Variants in FAM184B observed in about 807,000 individuals in gnomAD.
FAM184B encodes protein FAM184B.
Under a neutral mutation model 135.9 loss-of-function variants are expected in FAM184B, and 111 were observed. The observed-to-expected ratio is 0.82, with a 90% confidence interval of 0.70 to 0.96. The LOEUF (loss-of-function observed/expected upper bound fraction) is 0.96. FAM184B is among the 40% of genes least tolerant of loss of function. The pLI, the probability that FAM184B is intolerant of heterozygous loss-of-function variation, is 0.00. For missense variants in FAM184B, 1,375 were observed against 1,323.9 expected (o/e 1.04, Z -0.60); for synonymous variants, 552 against 524.8 (o/e 1.05, Z -0.71).
intron 12 of FAM184B, among the ~76,000 whole-genome samples, chr4:17,646,395 A>G (rs1362357824): frequency 6.6e-6 from 1 of 152,250 alleles, no homozygotes; most frequent in Admixed American, 6.5e-5. Context: ...AATACTATGC[A>G]GCCATAAAAA....
At chr4:17,714,545 C>T (rs1263826585) in intron 1 of FAM184B, among the ~76,000 whole-genome samples, 1 of 152,118 alleles carries the variant, frequency 6.6e-6, no homozygotes, top group Non-Finnish European at 1.5e-5. Context: ...GAGCCTCTGA[C>T]ATCTTGGCAT....
chr4:17,730,219 A>G (rs1014412965), intron 1 of FAM184B, among the ~76,000 whole-genome samples: 8 of 152,364 alleles, frequency 5.3e-5, no homozygotes, highest in Admixed American at 5.2e-4. Context: ...TAGAGAAAAA[A>G]GAATAAAAAG....
At chr4:17,640,110 G>A (rs763638901) in intron 13 of FAM184B, among the ~76,000 whole-genome samples, 5 of 100,642 alleles carry the variant, frequency 5.0e-5, no homozygotes, top group Non-Finnish European at 7.2e-5. Flanking sequence ...GGGATTACAC[G>A]CGTGAGCCAC....
At chr4:17,666,791 GC>G (rs1716059372) in intron 7 of FAM184B, among the ~76,000 whole-genome samples, 1 of 151,876 alleles carries the variant, frequency 6.6e-6, no homozygotes, top group Non-Finnish European at 1.5e-5. Context: ...CTCCATGAGG[GC>G]AGGGGCTTTG....
intron 7 of FAM184B, among the ~76,000 whole-genome samples, chr4:17,670,089 T>C (rs143519420): frequency 6.6e-6 from 1 of 152,242 alleles, no homozygotes; most frequent in East Asian, 1.9e-4. Context: ...TAGAAAGCAA[T>C]AAGAAGGTAG....
intron 1 of FAM184B, among the ~76,000 whole-genome samples, chr4:17,763,504 G>C (rs1406185753): frequency 1.3e-5 from 2 of 152,110 alleles, no homozygotes; most frequent in African/African-American, 4.8e-5. Context: ...GCTTCCTTGG[G>C]ACAAATAGGC....
intron 1 of FAM184B, among the ~76,000 whole-genome samples, chr4:17,729,918 T>A (rs934626256): frequency 6.6e-6 from 1 of 152,202 alleles, no homozygotes; most frequent in Non-Finnish European, 1.5e-5. Flanking sequence ...GGATGGGGAA[T>A]GACTTTGACG....
intron 1 of FAM184B, among the ~76,000 whole-genome samples, chr4:17,756,642 G>A (rs1232787395): frequency 6.6e-6 from 1 of 152,118 alleles, no homozygotes; most frequent in African/African-American, 2.4e-5. Context: ...AATGAAGATG[G>A]GGTTGGAGAC....
chr4:17,651,283 ATC>A (rs1364950110), intron 11 of FAM184B, among the ~76,000 whole-genome samples: 1 of 152,134 alleles, frequency 6.6e-6, no homozygotes, highest in Non-Finnish European at 1.5e-5. Flanking sequence ...CACGCCTGTA[ATC>A]CCAGCACTTT....
chr4:17,716,966 T>C (rs886192825), intron 1 of FAM184B, among the ~76,000 whole-genome samples: 9 of 152,088 alleles, frequency 5.9e-5, no homozygotes, highest in African/African-American at 1.9e-4. Flanking sequence ...CATGCCACCA[T>C]ACCTGGCTAG....
In FAM184B at chr4:17,635,103, C is replaced by A. The variant is rs1451369200; in HGVS notation, c.2795G>T (p.Arg932Ile). 6.4e-7 allele frequency: 1 copy of A among 1,551,268 alleles called. No individual in the cohort carries two copies. Among genetic ancestry groups the A allele is most frequent in the Non-Finnish European group, 8.7e-7 (1 of 1,146,638 alleles). The stretch of plus-strand genomic sequence containing the variant: ...ACTGGGGAATGCTGCGTAGTGAAAT[C>A]TTCTCTCTTCCTAGAAAACCAATAC... The part of the protein sequence containing the change: ...DIIKQLTEER[R>I]FHYAAFPSAM... The change falls in exon 16 of 18, where the codon AGA becomes ATA. Residue 932 changes from arginine to isoleucine, a missense_variant. Arg to Ile is a moderately conservative substitution (Grantham distance 97). Transcript: ENST00000265018.
At chr4:17,719,601 C>T (rs922229135) in intron 1 of FAM184B, among the ~76,000 whole-genome samples, 10 of 152,174 alleles carry the variant, frequency 6.6e-5, no homozygotes, top group African/African-American at 1.9e-4. Context: ...GTAATCCCCC[C>T]TTTTCTCCTT....
intron 1 of FAM184B, among the ~76,000 whole-genome samples, chr4:17,733,423 T>C (rs995382647): frequency 7.9e-5 from 12 of 152,162 alleles, no homozygotes; most frequent in Non-Finnish European, 1.2e-4. Flanking sequence ...TGATTGTATA[T>C]CTAGAAATCC....
At chr4:17,664,343 A>T (rs1715994540) in intron 8 of FAM184B, among the ~76,000 whole-genome samples, 1 of 152,202 alleles carries the variant, frequency 6.6e-6, no homozygotes, top group African/African-American at 2.4e-5. Flanking sequence ...TCTTAAGCTA[A>T]AAAATGGCTT....
intron 5 of FAM184B, among the ~76,000 whole-genome samples, chr4:17,694,003 A>G (rs1452320249): frequency 6.6e-6 from 1 of 152,184 alleles, no homozygotes; most frequent in Non-Finnish European, 1.5e-5. Flanking sequence ...CCCAGGGCCT[A>G]TTGCTCCATG....
intron 17 of FAM184B, chr4:17,633,444 T>TCGCA (rs1715024431): frequency 2.8e-5 from 11 of 391,860 alleles, no homozygotes; most frequent in Admixed American, 8.5e-5. Context: ...AAGTGACCTG[T>TCGCA]CCAAGGCCAC....
At chr4:17,650,561 G>A (rs1577246840) in intron 11 of FAM184B, among the ~76,000 whole-genome samples, 1 of 152,202 alleles carries the variant, frequency 6.6e-6, no homozygotes, top group Non-Finnish European at 1.5e-5. Context: ...AGGGACAGCT[G>A]CACTGGCAGC....
At chr4:17,760,806 G>T (rs1388458433) in intron 1 of FAM184B, among the ~76,000 whole-genome samples, 2 of 152,162 alleles carry the variant, frequency 1.3e-5, no homozygotes, top group Non-Finnish European at 2.9e-5. Flanking sequence ...TTGCATAAAA[G>T]CCTGTTGCGT....
chr4:17,649,167 T>A (rs1715541446), intron 11 of FAM184B, among the ~76,000 whole-genome samples: 1 of 151,998 alleles, frequency 6.6e-6, no homozygotes, highest in Non-Finnish European at 1.5e-5. Context: ...ATCTTTAGAG[T>A]GAAAATGGAT....
Sources: gnomAD v4.1 joint callset for allele counts (sites outside exome capture counted in the v4.1 genomes callset) on GRCh38, gnomAD v4.1.1 for gene constraint, MANE v1.5 for transcripts, NCBI Gene and HGNC (gene_info 2026-07-23, HGNC 2026-07-21) for gene names.